TBC1D2B: variants seen among roughly 807,000 people sequenced by gnomAD.
The protein encoded by TBC1D2B is TBC1 domain family member 2B.
A neutral mutation model predicts 100.8 loss-of-function variants in TBC1D2B; 64 were observed. The ratio of observed to expected loss-of-function variants is 0.64; its 90% CI spans 0.52 to 0.78. TBC1D2B has a LOEUF of 0.78. TBC1D2B is among the 30% of genes least tolerant of loss of function. TBC1D2B has a pLI of 0.00. For synonymous variants in TBC1D2B, 480 were observed against 479.7 expected, an observed-to-expected ratio of 1.00 and a Z score of -0.01; for missense variants, 1,052 against 1,218.4, an observed-to-expected ratio of 0.86 and a Z score of 2.03.
At chr15:78,044,633 C>G (rs373338483) in intron 3 of TBC1D2B, among the ~76,000 whole-genome samples, 2 of 152,198 alleles carry the variant, frequency 1.3e-5, no homozygotes, top group East Asian at 3.8e-4. Context: ...GTTTCAGTCT[C>G]TGTAAAATGT....
intron 11 of TBC1D2B, chr15:78,003,042 T>G: frequency 3.1e-6 from 1 of 321,756 alleles, no homozygotes; most frequent in Admixed American, 3.9e-5. Context: ...TGACAGATGG[T>G]GAGGCTCAGG....
At chr15:78,077,201 T>C in intron 1 of TBC1D2B, 92 bp downstream of exon 1, 1 of 1,382,122 alleles carries the variant, frequency 7.2e-7, no homozygotes, top group Non-Finnish European at 9.3e-7. Flanking sequence ...CGAGGAGGCC[T>C]TGGAGGAAGG....
intron 1 of TBC1D2B, among the ~76,000 whole-genome samples, chr15:78,062,348 G>C (rs1033991665): frequency 6.6e-6 from 1 of 152,174 alleles, no homozygotes; most frequent in African/African-American, 2.4e-5. Flanking sequence ...CAACTTCAAA[G>C]TCACTAAGCA....
chr15:78,040,444 G>C (rs4886994), intron 3 of TBC1D2B, among the ~76,000 whole-genome samples: 79,407 of 151,636 alleles, frequency 0.52, 21,883 homozygotes, highest in East Asian at 0.63. Flanking sequence ...AGCTACTCGG[G>C]GGGCTGAGGT....
intron 1 of TBC1D2B, among the ~76,000 whole-genome samples, chr15:78,064,090 CCTTT>C (rs1292881994): frequency 1.7e-4 from 26 of 152,306 alleles, no homozygotes; most frequent in African/African-American, 6.3e-4. Flanking sequence ...AGAACTATAA[CCTTT>C]CTCCCACACA....
intron 3 of TBC1D2B, among the ~76,000 whole-genome samples, chr15:78,042,907 A>G (rs1165041460): frequency 6.6e-6 from 1 of 152,176 alleles, no homozygotes; most frequent in Non-Finnish European, 1.5e-5. Flanking sequence ...CTCAAGAGAG[A>G]AAACAGCAAA....
intron 8 of TBC1D2B, among the ~76,000 whole-genome samples, chr15:78,014,036 C>G (rs1192398912): frequency 6.6e-6 from 1 of 152,084 alleles, no homozygotes; most frequent in Non-Finnish European, 1.5e-5. Flanking sequence ...GGGCCACAGG[C>G]CAAAGAATGC....
At chr15:78,001,489 C>T in intron 12 of TBC1D2B, 130 bp downstream of exon 12, 1 of 1,149,408 alleles carries the variant, frequency 8.7e-7, no homozygotes, top group Non-Finnish European at 1.2e-6. Flanking sequence ...CCCTGGAAAG[C>T]AATGCCCTCT....
chr15:78,040,138 C>T (rs1328860169), intron 3 of TBC1D2B, among the ~76,000 whole-genome samples: 1 of 152,108 alleles, frequency 6.6e-6, no homozygotes, highest in Non-Finnish European at 1.5e-5. Flanking sequence ...CAGGCATGCG[C>T]TTTCTCACTC....
In TBC1D2B at chr15:78,003,527, T is replaced by C. The variant is rs2071974884; in HGVS notation, c.2389-37A>G. 3.2e-6 allele frequency: 5 copies of C among 1,555,668 alleles called. No homozygotes were observed. In the African/African-American group the frequency reaches 6.8e-5, roughly 21 times the overall value. On this transcript the variant is annotated intron_variant, in intron 10 of 12. Coordinates refer to ENST00000300584, the MANE Select transcript of TBC1D2B (RefSeq NM_144572.2). ...ACAAAGGGGAGAAGTGTATCAGGCCTGCCAGGTCACCGGGTAAGCAGACGA... is the reference window on the plus strand; with the variant it reads ...ACAAAGGGGAGAAGTGTATCAGGCCCGCCAGGTCACCGGGTAAGCAGACGA...
At position 78,024,192 on chromosome 15, in the gene TBC1D2B, A is replaced by G. The variant is rs1048830566; in HGVS notation, c.1434T>C (p.Pro478=). Residue 478 remains proline (P), a synonymous_variant, in exon 6 of 13, where the codon CCT becomes CCC. Coordinates refer to ENST00000300584, the MANE Select transcript of TBC1D2B (RefSeq NM_144572.2). ...TVAPSSPSVV[P]VARDQLELDR... ...CCAGTTCCAGCTGGTCCCTGGCAAC[A>G]GGCACAACCGAAGGGGAGCTGGGCG... The G allele has an allele frequency of 6.8e-6, 11 of 1,613,592 alleles. No individual in the cohort carries two copies. Among genetic ancestry groups the G allele is most frequent in the Non-Finnish European group, 9.3e-6 (11 of 1,179,826 alleles).
At chr15:78,039,738 T>G (rs2073029889) in intron 3 of TBC1D2B, among the ~76,000 whole-genome samples, 1 of 134,834 alleles carries the variant, frequency 7.4e-6, no homozygotes, top group Non-Finnish European at 1.6e-5. Context: ...ACCCATCCAG[T>G]AGAGAGGCTT....
At chr15:78,036,102 A>G (rs16969424) in intron 3 of TBC1D2B, among the ~76,000 whole-genome samples, 7,790 of 152,298 alleles carry the variant, frequency 0.051, 399 homozygotes, top group African/African-American at 0.12. Flanking sequence ...GATACTGTAC[A>G]ATCCCTCTAA....
intron 3 of TBC1D2B, among the ~76,000 whole-genome samples, chr15:78,038,690 A>G (rs538576523): frequency 6.6e-6 from 1 of 152,268 alleles, no homozygotes; most frequent in South Asian, 2.1e-4. Context: ...CCCAACTCTA[A>G]ATACAACCGG....
At chr15:78,024,953 A>C (rs914034654) in intron 5 of TBC1D2B, among the ~76,000 whole-genome samples, 3 of 152,230 alleles carry the variant, frequency 2.0e-5, no homozygotes, top group Non-Finnish European at 4.4e-5. Flanking sequence ...CTCTGGGCTG[A>C]AACTGTGTTT....
At position 78,012,858 on chromosome 15, in the gene TBC1D2B, C is replaced by T; in HGVS notation, c.2235G>A (p.Arg745=). Reference sequence around the variant, plus strand: ...CTTGACAGTAGCCGATATCTGGATTCCGCCAGGAGAAGGCGAGGAGGACAT... The same window carrying T: ...CTTGACAGTAGCCGATATCTGGATTTCGCCAGGAGAAGGCGAGGAGGACAT... ...LRNVLLAFSW[R]NPDIGYCQGL... The change falls in exon 9 of 13, where the codon CGG becomes CGA. Residue 745 remains arginine (R), a synonymous_variant. Coordinates refer to ENST00000300584, the MANE Select transcript of TBC1D2B (RefSeq NM_144572.2). 1.3e-6 allele frequency: 2 copies of T among 1,514,892 alleles called. No individual in the cohort carries two copies. Among genetic ancestry groups the T allele is most frequent in the Non-Finnish European group, 1.8e-6 (2 of 1,132,366 alleles). The allele number at this position is 1,514,892 out of a possible 1,614,324, so 93.8% of individuals were successfully genotyped here.
chr15:78,019,886 A>G (rs2072472019), intron 6 of TBC1D2B, among the ~76,000 whole-genome samples: 1 of 147,150 alleles, frequency 6.8e-6, no homozygotes, highest in Non-Finnish European at 1.5e-5. Context: ...GAGACTCTGT[A>G]TCAAAAAAAA....
intron 11 of TBC1D2B, among the ~76,000 whole-genome samples, chr15:78,002,165 T>C (rs761341568): frequency 4.6e-5 from 7 of 152,292 alleles, no homozygotes; most frequent in Non-Finnish European, 5.9e-5. Context: ...CTTTTGAAGA[T>C]AGCGAAGGAG....
chr15:77,998,430 T>C (rs545303524), intron 12 of TBC1D2B, 75 bp from the exon 13 acceptor site: 162 of 1,383,946 alleles, frequency 1.2e-4, no homozygotes, highest in Middle Eastern at 3.8e-4. Context: ...CTCACAGGCA[T>C]AGCAGGTGGC....
Sources: allele counts gnomAD v4.1 joint callset (sites outside exome capture counted in the v4.1 genomes callset), GRCh38; gene constraint gnomAD v4.1.1; transcripts MANE v1.5; gene names NCBI Gene and HGNC (gene_info 2026-07-23, HGNC 2026-07-21).